Variants in FILIP1 observed in about 807,000 individuals in gnomAD.
The protein encoded by FILIP1 is filamin-A-interacting protein 1.
A neutral mutation model predicts 102.1 loss-of-function variants in FILIP1; 61 were observed. The ratio of observed to expected loss-of-function variants is 0.60; its 90% CI spans 0.49 to 0.74. The LOEUF (loss-of-function observed/expected upper bound fraction) is 0.74. FILIP1 is among the 30% of genes least tolerant of loss of function. The pLI is 0.00. For synonymous variants in FILIP1, 491 were observed against 526.9 expected (o/e 0.93, Z 0.93); for missense variants, 1,314 against 1,441.2 (o/e 0.91, Z 1.43).
At chr6:75,422,831 T>C (rs1777511144) in intron 1 of FILIP1, among the ~76,000 whole-genome samples, 1 of 152,170 alleles carries the variant, frequency 6.6e-6, no homozygotes, top group African/African-American at 2.4e-5. Flanking sequence ...TTAATGTACA[T>C]TTCTTGCTTT....
chr6:75,484,731 G>A (rs78546166), intron 1 of FILIP1, among the ~76,000 whole-genome samples: 3,806 of 152,164 alleles, frequency 0.025, 159 homozygotes, highest in African/African-American at 0.087. Context: ...ACTCCTTTTG[G>A]TTTCCTGTAA....
intron 1 of FILIP1, among the ~76,000 whole-genome samples, chr6:75,456,307 G>A (rs1195923269): frequency 1.3e-5 from 2 of 152,042 alleles, no homozygotes; most frequent in Non-Finnish European, 2.9e-5. Context: ...AGCCCAAAAT[G>A]CCAATAATGC....
chr6:75,449,028 A>C (rs1478929383), intron 1 of FILIP1, among the ~76,000 whole-genome samples: 1 of 152,206 alleles, frequency 6.6e-6, no homozygotes, highest in African/African-American at 2.4e-5. Flanking sequence ...TTGCATATGC[A>C]TGTTTATAGC....
intron 1 of FILIP1, among the ~76,000 whole-genome samples, chr6:75,427,623 G>T (rs192615928): frequency 2.0e-5 from 3 of 152,036 alleles, no homozygotes; most frequent in Non-Finnish European, 4.4e-5. Flanking sequence ...TATCGATTGC[G>T]TCTCTCTCTG....
chr6:75,303,150 A>G (rs1175607484), downstream of FILIP1, among the ~76,000 whole-genome samples: 1 of 152,138 alleles, frequency 6.6e-6, no homozygotes, highest in Non-Finnish European at 1.5e-5. Context: ...GGGAGACTGA[A>G]TGGGTTAGAT....
intron 2 of FILIP1, among the ~76,000 whole-genome samples, chr6:75,377,871 T>C (rs1009691177): frequency 6.6e-6 from 1 of 152,260 alleles, no homozygotes; most frequent in Non-Finnish European, 1.5e-5. Context: ...ACAAAATTTC[T>C]GTCAAATCTC....
chr6:75,345,655 C>A (rs1156479366), intron 4 of FILIP1, among the ~76,000 whole-genome samples: 1 of 152,130 alleles, frequency 6.6e-6, no homozygotes, highest in Non-Finnish European at 1.5e-5. Flanking sequence ...TCTGTGAGCC[C>A]TATGTAAATC....
At chr6:75,420,776 C>T (rs1777435797) in intron 1 of FILIP1, among the ~76,000 whole-genome samples, 2 of 152,062 alleles carry the variant, frequency 1.3e-5, no homozygotes, top group African/African-American at 4.8e-5. Context: ...TTTGCTTGTT[C>T]TCTGTATTAA....
rs1773297099 is a variant in FILIP1, at chr6:75,313,592, T to A, written c.2240A>T (p.Asp747Val). The A allele has an allele frequency of 6.2e-7, 1 of 1,613,702 alleles. No individual in the cohort carries two copies. The highest frequency in any genetic ancestry group is 8.5e-7 in the Non-Finnish European group (1 of 1,179,878). Residue 747 changes from aspartate to valine, a missense_variant, in exon 5 of 6, where the codon GAT becomes GTT. By Grantham distance (152) the Asp-to-Val change is radical (BLOSUM62 -3). Around this residue, in one of 3 missense-constraint regions of FILIP1, gnomAD observed 816 missense variants for 913.1 expected, o/e 0.89. Coordinates refer to ENST00000237172, the MANE Select transcript of FILIP1 (RefSeq NM_015687.5). The surrounding 1 kb of genome is among the most constrained non-coding windows in gnomAD (Gnocchi z 4.2). ...AAATCTTTGTTGAAGTACAGAATAA[T>A]CTACCTGGAGCTGAGAAAGCTGATC... ...KEDQLSQLQV[D>V]YSVLQQRFME...
chr6:75,415,637 T>C (rs921272607), intron 1 of FILIP1, among the ~76,000 whole-genome samples: 2 of 151,656 alleles, frequency 1.3e-5, no homozygotes, highest in African/African-American at 4.8e-5. Flanking sequence ...TTTTTAGTGA[T>C]ATGCGATTCT....
chr6:75,427,042 T>G (rs553790918), intron 1 of FILIP1, among the ~76,000 whole-genome samples: 9 of 152,052 alleles, frequency 5.9e-5, no homozygotes, highest in Non-Finnish European at 1.0e-4. Context: ...TCCCCAACAC[T>G]GATGTTCAGT....
At chr6:75,299,325 A>G (rs1197641411) in intron 6 of FILIP1, among the ~76,000 whole-genome samples, 2 of 152,126 alleles carry the variant, frequency 1.3e-5, no homozygotes, top group East Asian at 3.9e-4. Flanking sequence ...CACAACTATC[A>G]TAATTTTTCT....
chr6:75,374,181 G>A (rs1775672027), intron 2 of FILIP1, among the ~76,000 whole-genome samples: 1 of 152,024 alleles, frequency 6.6e-6, no homozygotes, highest in African/African-American at 2.4e-5. Context: ...GCAGTGTCCT[G>A]GATTAAAAAT....
intron 4 of FILIP1, chr6:75,319,044 A>C: frequency 4.4e-5 from 30 of 681,230 alleles, no homozygotes; most frequent in African/African-American, 3.6e-5. Flanking sequence ...CATCATCGTC[A>C]TCTTCTTCAT....
chr6:75,400,770 G>A (rs1776629543), intron 2 of FILIP1, among the ~76,000 whole-genome samples: 1 of 152,116 alleles, frequency 6.6e-6, no homozygotes, highest in Admixed American at 6.6e-5. Flanking sequence ...AAGGCAGTAG[G>A]ATCAAGTCAA....
At chr6:75,356,759 G>A (rs914090776) in intron 3 of FILIP1, among the ~76,000 whole-genome samples, 2 of 152,180 alleles carry the variant, frequency 1.3e-5, no homozygotes, top group South Asian at 4.2e-4. Context: ...ATGAGCCACC[G>A]CGGCTGGTCA....
Position 75,372,722 on chromosome 6 carries a change from GA to G in FILIP1, c.277-9806del, listed in dbSNP as rs1562515453. Among the ~76,000 whole-genome samples, 58 of 65,904 alleles carry G rather than the reference GA, an allele frequency of 8.8e-4. 1 individual carries two copies. Among genetic ancestry groups the G allele is most frequent in the East Asian group, 8.5e-3 (18 of 2,106 alleles). The allele number at this position is 65,904 out of a possible 152,430, so 43.2% of individuals were successfully genotyped here. On this transcript the variant is annotated intron_variant, in intron 2 of 5. Coordinates refer to ENST00000237172, the MANE Select transcript of FILIP1 (RefSeq NM_015687.5). ...GAAAGAAAGAAAGAAAGGAAAGAAA[GA>G]GAAAGAGAAAGAAAGAAAGAAAGAA...
At chr6:75,470,119 G>A (rs1329340539) in intron 1 of FILIP1, among the ~76,000 whole-genome samples, 8 of 151,784 alleles carry the variant, frequency 5.3e-5, no homozygotes, top group Non-Finnish European at 1.5e-5. Context: ...AAAAACAAGG[G>A]GCAAACTGTT....
intron 1 of FILIP1, among the ~76,000 whole-genome samples, chr6:75,418,448 A>G (rs1454811567): frequency 6.6e-6 from 1 of 152,258 alleles, no homozygotes; most frequent in Admixed American, 6.5e-5. Context: ...TTATGAAAAC[A>G]GGATGTAAAG....
Sources: gnomAD v4.1 joint callset for allele counts (sites outside exome capture counted in the v4.1 genomes callset) on GRCh38, gnomAD v4.1.1 for gene constraint, gnomAD v4.1.1 regional missense constraint, Gnocchi (gnomAD v3.1) non-coding constraint, MANE v1.5 for transcripts, NCBI Gene and HGNC (gene_info 2026-07-23, HGNC 2026-07-21) for gene names.